Variants in OPCML observed in about 807,000 individuals in gnomAD.
OPCML encodes opioid binding protein/cell adhesion molecule like.
In OPCML, 13 loss-of-function variants were observed where a neutral mutation model predicts 37.8. The observed-to-expected ratio is 0.34, with a 90% CI of 0.22 to 0.55. OPCML has a LOEUF of 0.55. OPCML is among the 20% of genes least tolerant of loss of function. The probability of loss-of-function intolerance (pLI) is 0.91; values close to 1 mark genes in which losing one functional copy is unlikely to be tolerated. For missense variants in OPCML, 341 were observed against 435.6 expected, an observed-to-expected ratio of 0.78 and a Z score of 1.93; for synonymous variants, 176 against 168.8, an observed-to-expected ratio of 1.04 and a Z score of -0.33.
chr11:132,948,777 A>G (rs1334613986), intron 1 of OPCML, among the ~76,000 whole-genome samples: 1 of 152,230 alleles, frequency 6.6e-6, no homozygotes, highest in Non-Finnish European at 1.5e-5. Flanking sequence ...AATTATCGTT[A>G]TGTAGCCAAA....
intron 2 of OPCML, among the ~76,000 whole-genome samples, chr11:132,865,689 A>G (rs530561271): frequency 7.9e-5 from 12 of 152,308 alleles, no homozygotes; most frequent in African/African-American, 2.2e-4. Flanking sequence ...GCCAAGACCA[A>G]GGCCAAATCG....
At chr11:132,512,057 T>C (rs1339419095) in intron 4 of OPCML, among the ~76,000 whole-genome samples, 1 of 152,048 alleles carries the variant, frequency 6.6e-6, no homozygotes, top group Non-Finnish European at 1.5e-5. Flanking sequence ...AGTCAGAAGA[T>C]TTCAACCACT....
intron 3 of OPCML, among the ~76,000 whole-genome samples, chr11:132,630,400 A>G (rs549355917): frequency 6.6e-6 from 1 of 152,216 alleles, no homozygotes; most frequent in East Asian, 1.9e-4. Context: ...TCTACTAAAA[A>G]TACAAAAATT....
intron 2 of OPCML, among the ~76,000 whole-genome samples, chr11:132,684,676 A>G (rs1345423355): frequency 3.9e-5 from 6 of 152,220 alleles, no homozygotes; most frequent in Non-Finnish European, 7.3e-5. Context: ...GGATGTGCTG[A>G]ATATCATCTA....
intron 2 of OPCML, among the ~76,000 whole-genome samples, chr11:132,898,446 GC>G (rs1431479897): frequency 6.6e-6 from 1 of 152,116 alleles, no homozygotes; most frequent in Non-Finnish European, 1.5e-5. Flanking sequence ...ACAGCACTGG[GC>G]CCAAGTTCAT....
chr11:133,218,854 T>G (rs1179319133), intron 1 of OPCML, among the ~76,000 whole-genome samples: 2 of 152,184 alleles, frequency 1.3e-5, no homozygotes, highest in Non-Finnish European at 2.9e-5. Flanking sequence ...GGACCCTTAC[T>G]AGAGGCAGGA....
chr11:132,960,787 A>G (rs1946076448), intron 1 of OPCML, among the ~76,000 whole-genome samples: 2 of 152,192 alleles, frequency 1.3e-5, no homozygotes, highest in Non-Finnish European at 2.9e-5. Context: ...TGTTTTACCG[A>G]CAATTCCCAG....
chr11:133,468,299 C>T (rs535047788), intron 1 of OPCML, among the ~76,000 whole-genome samples: 9 of 152,298 alleles, frequency 5.9e-5, no homozygotes, highest in South Asian at 2.1e-4. Context: ...GGTGCTCAAA[C>T]GTGGCTCTTT....
intron 1 of OPCML, among the ~76,000 whole-genome samples, chr11:133,122,716 A>G (rs1257079291): frequency 6.6e-6 from 1 of 152,100 alleles, no homozygotes; most frequent in Admixed American, 6.5e-5. Flanking sequence ...CTAGCTAGCC[A>G]CTTGTTAATT....
At chr11:132,948,651 A>G (rs1945796922) in intron 1 of OPCML, among the ~76,000 whole-genome samples, 1 of 152,228 alleles carries the variant, frequency 6.6e-6, no homozygotes, top group African/African-American at 2.4e-5. Context: ...TAGGATATCA[A>G]AGCATCATAA....
chr11:133,156,049 T>C (rs1445164657), intron 1 of OPCML, among the ~76,000 whole-genome samples: 2 of 152,214 alleles, frequency 1.3e-5, no homozygotes, highest in East Asian at 1.9e-4. Context: ...CACCAGTCCA[T>C]TGTCTTTGCC....
intron 1 of OPCML, among the ~76,000 whole-genome samples, chr11:133,316,464 A>G (rs1353938175): frequency 6.6e-6 from 1 of 152,096 alleles, no homozygotes; most frequent in Non-Finnish European, 1.5e-5. Flanking sequence ...AACATCACAC[A>G]GTGGGGCGTG....
chr11:132,723,066 A>AAT (rs1451786329), intron 2 of OPCML, among the ~76,000 whole-genome samples: 1 of 152,194 alleles, frequency 6.6e-6, no homozygotes, highest in African/African-American at 2.4e-5. Context: ...AGAACCTGAT[A>AAT]ATGCACTTTG....
At chr11:132,915,778 C>T (rs1201082904) in intron 2 of OPCML, among the ~76,000 whole-genome samples, 1 of 152,176 alleles carries the variant, frequency 6.6e-6, no homozygotes, top group African/African-American at 2.4e-5. Context: ...CAAGTAATTG[C>T]TCATTCATAT....
At chr11:132,662,216 A>G (rs1942004831) in intron 2 of OPCML, among the ~76,000 whole-genome samples, 1 of 152,148 alleles carries the variant, frequency 6.6e-6, no homozygotes, top group African/African-American at 2.4e-5. Flanking sequence ...GGAGGGACCA[A>G]GAATGTGCAT....
chr11:132,433,142 GAAGGAA>G (rs2096002833), intron 7 of OPCML, among the ~76,000 whole-genome samples: 1 of 152,174 alleles, frequency 6.6e-6, no homozygotes, highest in Non-Finnish European at 1.5e-5. Context: ...GACTTTGGAG[GAAGGAA>G]AAGAAGTCCA....
intron 1 of OPCML, among the ~76,000 whole-genome samples, chr11:133,014,436 G>A (rs556522171): frequency 6.6e-6 from 1 of 152,208 alleles, no homozygotes; most frequent in African/African-American, 2.4e-5. Context: ...TTCTGTGCCT[G>A]CTGCTTCTAC....
chr11:133,389,064 T>C (rs1292991346), intron 1 of OPCML, among the ~76,000 whole-genome samples: 2 of 152,188 alleles, frequency 1.3e-5, no homozygotes, highest in Non-Finnish European at 2.9e-5. Context: ...CCTCAGTACT[T>C]GGCTCTCAAC....
At chr11:132,479,779 G>A (rs1005808238) in intron 4 of OPCML, among the ~76,000 whole-genome samples, 3 of 151,960 alleles carry the variant, frequency 2.0e-5, no homozygotes, top group African/African-American at 7.2e-5. Flanking sequence ...ACACCTCACA[G>A]GGCCGGGTAC....
Sources: allele counts gnomAD v4.1 joint callset (sites outside exome capture counted in the v4.1 genomes callset), GRCh38; gene constraint gnomAD v4.1.1; transcripts MANE v1.5; gene names NCBI Gene and HGNC (gene_info 2026-07-23, HGNC 2026-07-21).